NLGN1: variants seen among roughly 807,000 people sequenced by gnomAD.
NLGN1 encodes the protein neuroligin 1.
A neutral mutation model predicts 65.5 loss-of-function variants in NLGN1; 12 were observed. The ratio of observed to expected loss-of-function variants is 0.18; its 90% confidence interval spans 0.12 to 0.30. The LOEUF is 0.30. NLGN1 is among the 10% of genes least tolerant of loss of function. The probability of loss-of-function intolerance (pLI) is 1.00; values close to 1 mark genes in which losing one functional copy is unlikely to be tolerated. For missense variants in NLGN1, 750 were observed against 1,007.1 expected, an observed-to-expected ratio of 0.74 and a Z score of 3.46; for synonymous variants, 350 against 359.5, an observed-to-expected ratio of 0.97 and a Z score of 0.30.
chr3:173,914,536 T>TACACACAC (rs10576275), intron 4 of NLGN1, among the ~76,000 whole-genome samples: 3 of 142,232 alleles, frequency 2.1e-5, no homozygotes, highest in African/African-American at 5.2e-5. Context: ...CATCTATACA[T>TACACACAC]ACACACACAC....
chr3:174,032,317 C>T (rs927120130), intron 4 of NLGN1, among the ~76,000 whole-genome samples: 2 of 152,146 alleles, frequency 1.3e-5, no homozygotes, highest in African/African-American at 4.8e-5. Flanking sequence ...TAAAGTATTA[C>T]ATTGAAAAAT....
chr3:174,289,853 A>G (rs576079136), downstream of NLGN1, among the ~76,000 whole-genome samples: 3 of 149,250 alleles, frequency 2.0e-5, no homozygotes, highest in South Asian at 6.3e-4. Flanking sequence ...ATTCATGTGT[A>G]AACATGTAAA....
At chr3:173,694,637 A>AT (rs1765940051) in intron 3 of NLGN1, among the ~76,000 whole-genome samples, 1 of 152,120 alleles carries the variant, frequency 6.6e-6, no homozygotes, top group African/African-American at 2.4e-5. Context: ...AAAACTTGTC[A>AT]TTTTTTCATA....
At chr3:173,673,007 T>A (rs922126431) in intron 3 of NLGN1, among the ~76,000 whole-genome samples, 1 of 152,192 alleles carries the variant, frequency 6.6e-6, no homozygotes, top group Non-Finnish European at 1.5e-5. Flanking sequence ...ATATTTTTAA[T>A]AATTGTGATG....
chr3:173,944,807 G>A (rs1746857393), intron 4 of NLGN1, among the ~76,000 whole-genome samples: 2 of 152,148 alleles, frequency 1.3e-5, no homozygotes, highest in Admixed American at 1.3e-4. Flanking sequence ...CTCCTTGAAG[G>A]AAATGGTCAT....
rs750281465 is a variant in NLGN1, at chr3:173,604,709, G to A, written c.111G>A (p.Leu37=). The A allele has an allele frequency of 8.1e-6, 13 of 1,613,758 alleles. No individual in the cohort carries two copies. In the East Asian group the frequency reaches 1.3e-4, roughly 17 times the overall value. Residue 37 remains leucine, a synonymous_variant, in exon 3 of 7, where the codon TTG becomes TTA. Transcript: ENST00000457714. ...TGACTCTCTGTATGTTGGGATGTTTGCTTCAGGCTGGCCATGTGCTATCAC... is the reference window on the plus strand; with the variant it reads ...TGACTCTCTGTATGTTGGGATGTTTACTTCAGGCTGGCCATGTGCTATCAC...
intron 4 of NLGN1, among the ~76,000 whole-genome samples, chr3:173,979,468 T>C (rs978074167): frequency 2.0e-5 from 3 of 152,116 alleles, no homozygotes; most frequent in African/African-American, 4.8e-5. Flanking sequence ...TAAGAGCTTA[T>C]TAAAATAATG....
intron 3 of NLGN1, among the ~76,000 whole-genome samples, chr3:173,631,787 C>T (rs1403607857): frequency 1.3e-5 from 2 of 151,936 alleles, no homozygotes; most frequent in African/African-American, 4.8e-5. Flanking sequence ...AATTTCTGGT[C>T]ATTATTTTTC....
chr3:174,229,847 T>G (rs1346686783), intron 4 of NLGN1, among the ~76,000 whole-genome samples: 1 of 152,168 alleles, frequency 6.6e-6, no homozygotes, highest in East Asian at 1.9e-4. Context: ...AGCCTCTTGC[T>G]TTTTATTGAC....
intron 2 of NLGN1, among the ~76,000 whole-genome samples, chr3:173,468,834 T>TA (rs536616360): frequency 3.0e-3 from 452 of 151,126 alleles, no homozygotes; most frequent in Admixed American, 7.3e-3. Flanking sequence ...AAACTGAAAA[T>TA]AAAAAAAAAT....
intron 4 of NLGN1, among the ~76,000 whole-genome samples, chr3:174,009,134 CACT>C (rs1221267277): frequency 6.6e-6 from 1 of 152,094 alleles, no homozygotes; most frequent in African/African-American, 2.4e-5. Flanking sequence ...GAGGTCTCAC[CACT>C]GTGTCCTCAC....
At chr3:174,079,977 A>G (rs1333525052) in intron 4 of NLGN1, among the ~76,000 whole-genome samples, 1 of 152,154 alleles carries the variant, frequency 6.6e-6, no homozygotes, top group South Asian at 2.1e-4. Context: ...CTGTACCACA[A>G]ACCCCCATGA....
At chr3:174,105,885 T>C (rs1713670399) in intron 4 of NLGN1, among the ~76,000 whole-genome samples, 1 of 152,110 alleles carries the variant, frequency 6.6e-6, no homozygotes. Flanking sequence ...CACTATCCCA[T>C]GGCCATGGAA....
chr3:173,623,026 G>A (rs1246026335), intron 3 of NLGN1, among the ~76,000 whole-genome samples: 1 of 152,080 alleles, frequency 6.6e-6, no homozygotes, highest in East Asian at 1.9e-4. Flanking sequence ...GGAGTGTTGA[G>A]TCCCAGGGAA....
At chr3:173,578,356 C>G (rs1233481685) in intron 2 of NLGN1, among the ~76,000 whole-genome samples, 1 of 151,884 alleles carries the variant, frequency 6.6e-6, no homozygotes, top group East Asian at 1.9e-4. Context: ...GCTAATTGAA[C>G]AATAATGAAA....
chr3:174,224,882 A>G (rs774631035), intron 4 of NLGN1, among the ~76,000 whole-genome samples: 1 of 152,172 alleles, frequency 6.6e-6, no homozygotes, highest in Non-Finnish European at 1.5e-5. Flanking sequence ...ATGTAGTCCA[A>G]CACACTCAGT....
chr3:173,578,110 C>T (rs1270243142), intron 2 of NLGN1, among the ~76,000 whole-genome samples: 1 of 151,968 alleles, frequency 6.6e-6, no homozygotes, highest in East Asian at 1.9e-4. Flanking sequence ...GTGGCAGGCA[C>T]CTGTAGTCCC....
At chr3:173,635,821 T>C (rs894964581) in intron 3 of NLGN1, among the ~76,000 whole-genome samples, 2 of 152,164 alleles carry the variant, frequency 1.3e-5, no homozygotes, top group African/African-American at 4.8e-5. Flanking sequence ...GTTAATTGGA[T>C]AAAACATTTC....
At chr3:173,622,436 G>T (rs1754148997) in intron 3 of NLGN1, among the ~76,000 whole-genome samples, 1 of 152,024 alleles carries the variant, frequency 6.6e-6, no homozygotes, top group Non-Finnish European at 1.5e-5. Context: ...GAGAGGCTGA[G>T]AATACAGAAT....
Sources: allele counts gnomAD v4.1 joint callset (sites outside exome capture counted in the v4.1 genomes callset), GRCh38; gene constraint gnomAD v4.1.1; transcripts MANE v1.5; gene names NCBI Gene and HGNC (gene_info 2026-07-23, HGNC 2026-07-21).